The following PLIN5 variants were observed in gnomAD, a reference collection of about 807,000 sequenced individuals.
PLIN5 encodes the protein perilipin-5.
In PLIN5, 34 loss-of-function variants were observed where a neutral mutation model predicts 32.8. The observed-to-expected ratio is 1.04, with a 90% CI of 0.79 to 1.38. PLIN5 has a LOEUF of 1.38. Among genes scored for constraint, PLIN5 ranks in the 40% most tolerant of loss-of-function variants. The pLI is 0.00. For synonymous variants in PLIN5, 309 were observed against 292.9 expected, an observed-to-expected ratio of 1.05 and a Z score of -0.56; for missense variants, 712 against 660.5, an observed-to-expected ratio of 1.08 and a Z score of -0.85.
intron 7 of PLIN5, 83 bp from the exon 8 acceptor site, chr19:4,524,168 AG>A: frequency 7.6e-7 from 1 of 1,314,600 alleles, no homozygotes; most frequent in Non-Finnish European, 9.8e-7. Context: ...ATGGACCCAC[AG>A]TGGAGCTGTC....
intron 1 of PLIN5, among the ~76,000 whole-genome samples, chr19:4,534,567 C>T (rs1346719689): frequency 1.3e-5 from 2 of 152,148 alleles, no homozygotes; most frequent in East Asian, 1.9e-4. Flanking sequence ...AACCGGGTTT[C>T]GCCATGTTGC....
chr19:4,525,103 A>AGAGCTGGGG lies in PLIN5; in HGVS notation c.721-36_721-28dup, dbSNP rs144666389. 134 of 900,718 alleles carry AGAGCTGGGG rather than the reference A, an allele frequency of 1.5e-4. No homozygotes were observed. Among genetic ancestry groups the AGAGCTGGGG allele is most frequent in the East Asian group, 8.9e-4 (16 of 17,986 alleles). The allele number at this position is 900,718 out of a possible 1,614,324, so 55.8% of individuals were successfully genotyped here. A position where few individuals can be genotyped will look rare whatever the true frequency, so the allele number is the denominator to read the frequency against. On this transcript the variant is annotated intron_variant, in intron 6 of 7. Transcript: ENST00000381848. The surrounding 1 kb of genome is among the most constrained non-coding windows in gnomAD (Gnocchi z 5.6). ...TGCAAGGACAGAAATGGTGGTCTTC[A>AGAGCTGGGG]GAGCTGGGGGAGCTGGGGGAGCTGG...
At position 4,525,745 on chromosome 19, in the gene PLIN5, G is replaced by A; in HGVS notation, c.608C>T (p.Ser203Phe). 6.2e-7 allele frequency: 1 copy of A among 1,613,710 alleles called. No homozygotes were observed. Among genetic ancestry groups the A allele is most frequent in the Non-Finnish European group, 8.5e-7 (1 of 1,180,038 alleles). Residue 203 changes from serine to phenylalanine, a missense_variant, in exon 6 of 8, where the codon TCC becomes TTC. Physicochemically the swap from Ser to Phe is radical, Grantham distance 155. Coordinates refer to ENST00000381848, the MANE Select transcript of PLIN5 (RefSeq NM_001013706.3). The surrounding 1 kb of genome is among the most constrained non-coding windows in gnomAD (Gnocchi z 5.6). ...CAGGTGGCGGATCCGTGCTGACAGG[G>A]AGCCGAGGCGCACAAAGTAGCCCTG... ...RQQGYFVRLGSLSARIRHLAY... is the reference protein window; with the variant it reads ...RQQGYFVRLGFLSARIRHLAY...
Position 4,523,121 on chromosome 19 carries a change from C to CA in PLIN5, c.*406dup, listed in dbSNP as rs1976751485. 1 of 153,354 alleles carries CA rather than the reference C, an allele frequency of 6.5e-6. No homozygotes were observed. The highest frequency in any genetic ancestry group is 1.4e-5 in the Non-Finnish European group (1 of 71,950). 9.5% of individuals were successfully genotyped at this position (153,354 alleles called of 1,614,324 possible). On this transcript the variant is annotated 3_prime_UTR_variant, in exon 8 of 8. Transcript: ENST00000381848. This position sits in a 1 kb window ranked among gnomAD's most constrained non-coding sequence, Gnocchi z 5.0. ...TTCTTTCTAAGTAGAGACAGGGTTT[C>CA]ATCATGTTGGCCAGGATGATCCCGA...
chr19:4,525,809 C>T lies in PLIN5; in HGVS notation c.544G>A (p.Gly182Ser). The change falls in exon 6 of 8, where the codon GGC becomes AGC. Residue 182 changes from glycine (G) to serine (S), a missense_variant. By Grantham distance (56) the Gly-to-Ser change is moderately conservative (BLOSUM62 0). Coordinates refer to ENST00000381848, the MANE Select transcript of PLIN5 (RefSeq NM_001013706.3). The surrounding 1 kb of genome is among the most constrained non-coding windows in gnomAD (Gnocchi z 5.6). Reference sequence around the variant, plus strand: ...TCCTCCACCGAACCCACTTCAGGGCCTTCAGCCTCAGCCGCCAGTGCCGCT... The same window carrying T: ...TCCTCCACCGAACCCACTTCAGGGCTTTCAGCCTCAGCCGCCAGTGCCGCT... ...ELAALAAEAE[G>S]PEVGSVEDQR... The T allele has an allele frequency of 6.2e-7, 1 of 1,612,530 alleles. No individual in the cohort carries two copies.
At position 4,523,631 on chromosome 19, in the gene PLIN5, C is replaced by A; in HGVS notation, c.1289G>T (p.Gly430Val). The change falls in exon 8 of 8, where the codon GGG becomes GTG. Residue 430 changes from glycine (G) to valine (V), a missense_variant. By Grantham distance (109) the Gly-to-Val change is moderately radical (BLOSUM62 -3). Coordinates refer to ENST00000381848, the MANE Select transcript of PLIN5 (RefSeq NM_001013706.3). The surrounding 1 kb of genome is among the most constrained non-coding windows in gnomAD (Gnocchi z 5.0). The stretch of plus-strand genomic sequence containing the variant: ...GGCAACACCCATCCTGTCCCCATCC[C>A]CATTCCCACTCCCGTCCCTGTGCTC... ...EAEHRDGSGN[G>V]DGDRMGVAGD... 6.2e-7 allele frequency: 1 copy of A among 1,611,710 alleles called. No homozygotes were observed.
chr19:4,526,206 G>A lies in PLIN5; in HGVS notation c.521-374C>T, dbSNP rs1027308485. Among the ~76,000 whole-genome samples the A allele has an allele frequency of 7.9e-5, 12 of 152,104 alleles. 4 individuals carry two copies. ...ACCCAGATTGGAACCCAGGCACGTT[G>A]GTCCCAAACTGCTTAACCATTTTTT... On this transcript the variant is annotated intron_variant, in intron 5 of 7. Coordinates refer to ENST00000381848, the MANE Select transcript of PLIN5 (RefSeq NM_001013706.3).
chr19:4,524,389 C>A (rs552875436), intron 7 of PLIN5, among the ~76,000 whole-genome samples: 1 of 152,078 alleles, frequency 6.6e-6, no homozygotes, highest in African/African-American at 2.4e-5. Context: ...CCGTATCTAC[C>A]AAAAATACAA....
intron 7 of PLIN5, 58 bp downstream of exon 7, chr19:4,524,905 C>T (rs928521411): frequency 2.1e-6 from 3 of 1,442,612 alleles, no homozygotes; most frequent in Non-Finnish European, 2.8e-6. Context: ...GTCGCTCCCC[C>T]TCTTCCTCCG....
intron 2 of PLIN5, chr19:4,533,642 T>C (rs956977897): frequency 4.7e-6 from 2 of 421,692 alleles, no homozygotes; most frequent in African/African-American, 4.0e-5. Flanking sequence ...GGAGCCAATA[T>C]ACATGAAACG....
At position 4,531,742 on chromosome 19, in the gene PLIN5, C is replaced by T; in HGVS notation, c.141G>A (p.Lys47=). 1 of 1,600,906 alleles carries T rather than the reference C, an allele frequency of 6.2e-7. No individual in the cohort carries two copies. Among genetic ancestry groups the T allele is most frequent in the Non-Finnish European group, 8.5e-7 (1 of 1,176,374 alleles). ...TAVCDVYSAA[K]DRHPLLGSAC... ...CGGAGCCCAGCAGCGGGTGCCTGTC[C>T]TTGGCTGCACTGTAAACATCGCAGA... is the stretch of plus-strand genomic sequence containing the variant. Residue 47 remains lysine (K), a synonymous_variant, in exon 3 of 8, where the codon AAG becomes AAA. Transcript: ENST00000381848.
At position 4,525,547 on chromosome 19, in the gene PLIN5, C is replaced by G; in HGVS notation, c.720+86G>C. 1.3e-6 allele frequency: 2 copies of G among 1,515,384 alleles called. No individual in the cohort carries two copies. Among genetic ancestry groups the G allele is most frequent in the Non-Finnish European group, 1.8e-6 (2 of 1,115,528 alleles). The allele number at this position is 1,515,384 out of a possible 1,614,324, so 93.9% of individuals were successfully genotyped here. A position where few individuals can be genotyped will look rare whatever the true frequency, so the allele number is the denominator to read the frequency against. On this transcript the variant is annotated intron_variant, in intron 6 of 7. Transcript: ENST00000381848. The surrounding 1 kb of genome is among the most constrained non-coding windows in gnomAD (Gnocchi z 5.6). ...ACCCAGCTCCGCCTCCTGCTTTAGG[C>G]TAGCACGGGATCCGGTATTCAGCTG...
rs1062223 is a variant in PLIN5 at position 4,524,004 on chromosome 19, G to T, written c.916C>A (p.Arg306=). The T allele has an allele frequency of 3.3e-6, 5 of 1,519,484 alleles. No homozygotes were observed. Among genetic ancestry groups the T allele is most frequent in the Non-Finnish European group, 4.4e-6 (5 of 1,141,362 alleles). 94.1% of individuals were successfully genotyped at this position (1,519,484 alleles called of 1,614,324 possible). The part of the protein sequence containing the change: ...GTVEALESSV[R]GLPAGAQEKV... ...TCCTGGGCGCCGGCGGGCAGGCCCC[G>T]CACGCTGGACTCCAGAGCCTCTACC... Residue 306 remains arginine (R), a synonymous_variant, in exon 8 of 8, where the codon CGG becomes AGG. Coordinates refer to ENST00000381848, the MANE Select transcript of PLIN5 (RefSeq NM_001013706.3).
rs1296541119 is a variant in PLIN5 at position 4,525,955 on chromosome 19, CGGGGACAGCAT to C, written c.521-134_521-124del. The C allele has an allele frequency of 1.2e-5, 10 of 820,600 alleles. No individual in the cohort carries two copies. The highest frequency in any genetic ancestry group is 1.9e-5 in the Non-Finnish European group (10 of 526,486). The allele number at this position is 820,600 out of a possible 1,614,324, so 50.8% of individuals were successfully genotyped here. A position where few individuals can be genotyped will look rare whatever the true frequency, so the allele number is the denominator to read the frequency against. ...ACGGGGACAGGATACGGGGACAGCA[CGGGGACAGCAT>C]GGGGTCAGCACAGCCACCCACCCCC... On this transcript the variant is annotated intron_variant, in intron 5 of 7. Transcript: ENST00000381848. The surrounding 1 kb of genome is among the most constrained non-coding windows in gnomAD (Gnocchi z 5.6).
In PLIN5 at chr19:4,523,773, C is replaced by A; in HGVS notation, c.1147G>T (p.Val383Leu). The A allele has an allele frequency of 6.3e-7, 1 of 1,598,670 alleles. No homozygotes were observed. Among genetic ancestry groups the A allele is most frequent in the East Asian group, 2.2e-5 (1 of 44,840 alleles). Residue 383 changes from valine to leucine, a missense_variant, in exon 8 of 8, where the codon GTG becomes TTG. Val to Leu is a conservative substitution (Grantham distance 32). Transcript: ENST00000381848. The surrounding 1 kb of genome is among the most constrained non-coding windows in gnomAD (Gnocchi z 5.0). ...WLVGPFAPIL[V>L]ERPEPLPDLA... ...TCGGGCAGGGGCTCGGGTCGCTCCA[C>A]AAGGATGGGCGCGAAGGGTCCCACC... is the stretch of plus-strand genomic sequence containing the variant.
At chr19:4,534,953 C>A (rs554370228) in intron 1 of PLIN5, among the ~76,000 whole-genome samples, 117 of 152,364 alleles carry the variant, frequency 7.7e-4, no homozygotes, top group African/African-American at 2.7e-3. Flanking sequence ...CTGCCGCCTG[C>A]GATCCCTCCG....
In PLIN5 at chr19:4,523,678, G is replaced by A; in HGVS notation, c.1242C>T (p.Ala414=). The A allele has an allele frequency of 6.2e-7, 1 of 1,608,200 alleles. No individual in the cohort carries two copies. Among genetic ancestry groups the A allele is most frequent in the Non-Finnish European group, 8.5e-7 (1 of 1,179,774 alleles). ...DPRWAHLDWP[A]QQRAWEAEHR... is the part of the protein sequence containing the mutation. ...GCTCTGCCTCCCAGGCTCTCTGCTG[G>A]GCCGGCCAGTCCAGGTGCGCCCAGC... The change falls in exon 8 of 8, where the codon GCC becomes GCT. Residue 414 remains alanine (A), a synonymous_variant. Transcript: ENST00000381848. This position sits in a 1 kb window ranked among gnomAD's most constrained non-coding sequence, Gnocchi z 5.0.
At chr19:4,534,303 G>T (rs1976922163) in intron 1 of PLIN5, 2 of 581,156 alleles carry the variant, frequency 3.4e-6, no homozygotes, top group South Asian at 4.3e-5. Flanking sequence ...AGGTAGGGTT[G>T]CCGGAGTGAC....
chr19:4,531,861 G>A, intron 2 of PLIN5, 39 bp from the exon 3 acceptor site: 2 of 1,478,440 alleles, frequency 1.4e-6, no homozygotes, highest in Non-Finnish European at 1.8e-6. Flanking sequence ...CCTGGGGGAA[G>A]TGGGGCCCTA....
Sources: allele counts gnomAD v4.1 joint callset (sites outside exome capture counted in the v4.1 genomes callset), GRCh38; gene constraint gnomAD v4.1.1; non-coding constraint Gnocchi (gnomAD v3.1); transcripts MANE v1.5; gene names NCBI Gene and HGNC (gene_info 2026-07-23, HGNC 2026-07-21).